Variants in GRK4 observed in about 807,000 individuals in gnomAD.
GRK4 encodes the protein G protein-coupled receptor kinase 4.
Under a neutral mutation model 77.9 loss-of-function variants are expected in GRK4, and 73 were observed. The ratio of observed to expected loss-of-function variants is 0.94; its 90% CI spans 0.78 to 1.14. The LOEUF (loss-of-function observed/expected upper bound fraction) is 1.14, where lower values mean the gene tolerates loss of function less well. Among genes scored for constraint, GRK4 ranks in the 50% most tolerant of loss-of-function variants. The pLI is 0.00. For synonymous variants in GRK4, 257 were observed against 254.4 expected, an observed-to-expected ratio of 1.01 and a Z score of -0.10; for missense variants, 729 against 700.2, an observed-to-expected ratio of 1.04 and a Z score of -0.46.
intron 13 of GRK4, among the ~76,000 whole-genome samples, chr4:3,037,100 TGTGA>T (rs1423287048): frequency 1.3e-5 from 2 of 151,002 alleles, no homozygotes; most frequent in Non-Finnish European, 3.0e-5. Context: ...TGTGTGTGTG[TGTGA>T]GAAAGAGGGA....
At chr4:3,039,647 G>A (rs908756007) in intron 15 of GRK4, among the ~76,000 whole-genome samples, 4 of 148,258 alleles carry the variant, frequency 2.7e-5, no homozygotes, top group African/African-American at 7.5e-5. Context: ...ACAGGGAGCC[G>A]AGACTGCACC....
chr4:3,007,715 T>C (rs1232693791), intron 5 of GRK4, 21 bp from the exon 6 acceptor site: 5 of 1,486,278 alleles, frequency 3.4e-6, no homozygotes, highest in Non-Finnish European at 4.6e-6. Context: ...ATGTATATAA[T>C]TTTAAAAAAT....
At chr4:2,996,907 T>C (rs1728110290) in intron 4 of GRK4, among the ~76,000 whole-genome samples, 1 of 152,156 alleles carries the variant, frequency 6.6e-6, no homozygotes, top group Non-Finnish European at 1.5e-5. Flanking sequence ...TAAACTTCTC[T>C]TTCTTTTACA....
At position 3,020,006 on chromosome 4, in the gene GRK4, A is replaced by T. The variant is rs1033617842; in HGVS notation, c.932+175A>T. Among the ~76,000 whole-genome samples the T allele has an allele frequency of 4.9e-4, 75 of 152,120 alleles. 1 individual carries two copies. The highest frequency in any genetic ancestry group is 1.5e-3 in the African/African-American group (64 of 41,508). On this transcript the variant is annotated intron_variant, in intron 9 of 15. Transcript: ENST00000398052. ...CACTATTGGAAATATGGCCAGTCAG[A>T]GGGCCCTGGGTGTTTTTTTGTTTTG...
chr4:2,964,054 G>T lies in GRK4; in HGVS notation c.-17G>T, dbSNP rs1466861179. On this transcript the variant is annotated 5_prime_UTR_variant, in exon 1 of 16. Transcript: ENST00000398052. ...CCTCGGTCTCGCAGAATCCGCCGGC[G>T]GCGGCGGCGCCAGGACATGGAGCTC... 6.2e-7 allele frequency: 1 copy of T among 1,607,794 alleles called. No homozygotes were observed. The highest frequency in any genetic ancestry group is 8.5e-7 in the Non-Finnish European group (1 of 1,178,446).
intron 6 of GRK4, among the ~76,000 whole-genome samples, chr4:3,008,490 A>G (rs1328796153): frequency 1.3e-5 from 2 of 152,246 alleles, no homozygotes; most frequent in Non-Finnish European, 2.9e-5. Flanking sequence ...TGTTTGGTGC[A>G]CAAAATAAGT....
At chr4:3,034,240 G>A (rs948403695) in intron 12 of GRK4, among the ~76,000 whole-genome samples, 5 of 152,170 alleles carry the variant, frequency 3.3e-5, no homozygotes, top group South Asian at 2.1e-4. Context: ...CCTGGAGCAG[G>A]CACAGCCCAG....
In GRK4 at chr4:3,013,797, G is replaced by T. The variant is rs199873516; in HGVS notation, c.710G>T (p.Arg237Ile). ...GAAGCTATGGCTCTAAATGAGAAAA[G>T]AATTCTGGAGAAAGTGCAAAGTAGA... ...KGEAMALNEKRILEKVQSRFV... is the reference protein window; with the variant it reads ...KGEAMALNEKIILEKVQSRFV... Residue 237 changes from arginine to isoleucine, a missense_variant, in exon 8 of 16, where the codon AGA (arginine) becomes ATA (isoleucine). Coordinates refer to ENST00000398052, the MANE Select transcript of GRK4 (RefSeq NM_182982.3). 1.7e-5 allele frequency: 28 copies of T among 1,610,728 alleles called. No individual in the cohort carries two copies. In the East Asian group the frequency reaches 4.2e-4, roughly 24 times the overall value.
intron 12 of GRK4, among the ~76,000 whole-genome samples, chr4:3,034,136 G>C (rs1376471846): frequency 6.6e-6 from 1 of 152,148 alleles, no homozygotes; most frequent in East Asian, 1.9e-4. Flanking sequence ...AAAAAATTTG[G>C]GGAGCCTAAT....
intron 8 of GRK4, among the ~76,000 whole-genome samples, chr4:3,017,390 C>T (rs1173745239): frequency 6.6e-6 from 1 of 152,222 alleles, no homozygotes; most frequent in Non-Finnish European, 1.5e-5. Context: ...CAGGCCTCCT[C>T]CACCACGATA....
chr4:3,036,873 C>G (rs562520963), intron 13 of GRK4, among the ~76,000 whole-genome samples: 1 of 152,148 alleles, frequency 6.6e-6, no homozygotes, highest in African/African-American at 2.4e-5. Context: ...GAGGCAGGGG[C>G]GAGAATTGTC....
At position 3,038,382 on chromosome 4, in the gene GRK4, G is replaced by A. The variant is rs747636268; in HGVS notation, c.1552G>A (p.Glu518Lys). The A allele has an allele frequency of 9.3e-6, 15 of 1,614,144 alleles. No individual in the cohort carries two copies. Among genetic ancestry groups the A allele is most frequent in the African/African-American group, 5.3e-5 (4 of 75,048 alleles). ...VSIPWQNEMI[E>K]SGCFKDINKS... Reference sequence around the variant, plus strand: ...TGTTATTCTGTGCATGCAGATGATCGAATCTGGGTGTTTCAAAGACATCAA... The same window carrying A: ...TGTTATTCTGTGCATGCAGATGATCAAATCTGGGTGTTTCAAAGACATCAA... Residue 518 changes from glutamate to lysine, a missense_variant, in exon 15 of 16, where the codon GAA becomes AAA. Coordinates refer to ENST00000398052, the MANE Select transcript of GRK4 (RefSeq NM_182982.3).
At chr4:2,996,839 A>T (rs1728088948) in intron 4 of GRK4, among the ~76,000 whole-genome samples, 1 of 152,080 alleles carries the variant, frequency 6.6e-6, no homozygotes, top group South Asian at 2.1e-4. Flanking sequence ...AAAAGCAATG[A>T]TTCACGTCAT....
At position 2,964,399 on chromosome 4, in the gene GRK4, C is replaced by G. The variant is rs1716801729; in HGVS notation, c.52+277C>G. On this transcript the variant is annotated intron_variant, in intron 1 of 15. Transcript: ENST00000398052. ...TCTTAGTCTTGCCCTGTGTCCTTGT[C>G]CTGTCCTCTCGGTGTGACCTCGGTG... Among the ~76,000 whole-genome samples, 3 of 152,112 alleles carry G rather than the reference C, an allele frequency of 2.0e-5. No individual in the cohort carries two copies. The South Asian group carries it at 6.2e-4, about 32-fold the overall frequency.
At chr4:3,004,454 A>T in intron 5 of GRK4, 120 bp downstream of exon 5, 1 of 612,160 alleles carries the variant, frequency 1.6e-6, no homozygotes, top group Non-Finnish European at 2.9e-6. Flanking sequence ...CTTGAACAAC[A>T]TGGGCATTAG....
chr4:3,017,161 G>A (rs2109955298), intron 8 of GRK4, among the ~76,000 whole-genome samples: 1 of 152,362 alleles, frequency 6.6e-6, no homozygotes, highest in South Asian at 2.1e-4. Flanking sequence ...CTGCCACTCT[G>A]AGAATAAAAT....
intron 12 of GRK4, among the ~76,000 whole-genome samples, chr4:3,029,906 G>A (rs1738687683): frequency 6.6e-6 from 1 of 152,168 alleles, no homozygotes; most frequent in South Asian, 2.1e-4. Context: ...GACTTAATTG[G>A]GTTTTGATTG....
chr4:2,979,235 A>AG (rs1336120056), intron 1 of GRK4, among the ~76,000 whole-genome samples: 3 of 150,330 alleles, frequency 2.0e-5, no homozygotes, highest in Admixed American at 2.0e-4. Flanking sequence ...AAAAAAAAAA[A>AG]CAAAAAAAAA....
At chr4:2,996,727 T>C (rs1053905698) in intron 4 of GRK4, among the ~76,000 whole-genome samples, 1 of 152,036 alleles carries the variant, frequency 6.6e-6, no homozygotes, top group African/African-American at 2.4e-5. Context: ...GCTTTTTTTT[T>C]TTTTCTTTTC....
Sources: gnomAD v4.1 joint callset for allele counts (sites outside exome capture counted in the v4.1 genomes callset) on GRCh38, gnomAD v4.1.1 for gene constraint, MANE v1.5 for transcripts, NCBI Gene and HGNC (gene_info 2026-07-23, HGNC 2026-07-21) for gene names.